The following ERG variants were observed in gnomAD, a reference collection of about 807,000 sequenced individuals.
The protein encoded by ERG is transcriptional regulator ERG.
In ERG, 9 loss-of-function variants were observed where a neutral mutation model predicts 55.3. The ratio of observed to expected loss-of-function variants is 0.16; its 90% CI spans 0.10 to 0.28. ERG has a LOEUF of 0.28. Ranked by LOEUF, ERG falls within the 10% of genes least tolerant of loss-of-function variation. ERG has a pLI of 1.00. For synonymous variants in ERG, 223 were observed against 237.3 expected (o/e 0.94, Z 0.55); for missense variants, 434 against 631.6 (o/e 0.69, Z 3.35).
At chr21:38,415,973 G>C (rs1206160811) in intron 3 of ERG, among the ~76,000 whole-genome samples, 1 of 152,174 alleles carries the variant, frequency 6.6e-6, no homozygotes, top group Non-Finnish European at 1.5e-5. Flanking sequence ...AATAACTCAC[G>C]CTAAGAGGAT....
At chr21:38,535,019 C>T (rs2059699161) in intron 2 of ERG, among the ~76,000 whole-genome samples, 1 of 151,944 alleles carries the variant, frequency 6.6e-6, no homozygotes, top group Non-Finnish European at 1.5e-5. Context: ...CATAGGTAAA[C>T]GTGTGCCATG....
chr21:38,485,771 T>A (rs1188402149), intron 1 of ERG, among the ~76,000 whole-genome samples: 1 of 151,602 alleles, frequency 6.6e-6, no homozygotes, highest in Non-Finnish European at 1.5e-5. Flanking sequence ...ATACAGTGTT[T>A]ATAAGTCTAC....
chr21:38,461,599 T>C lies in ERG; in HGVS notation c.19-15978A>G, dbSNP rs546019262. Among the ~76,000 whole-genome samples the C allele has an allele frequency of 1.9e-4, 29 of 152,298 alleles. 1 individual carries two copies. Among genetic ancestry groups the C allele is most frequent in the African/African-American group, 7.0e-4 (29 of 41,568 alleles). ...CTGTAGGTCAGTCATTCTCAAAGTG[T>C]TGTCCAGGAACCCCCTGGGGTCCCC... On this transcript the variant is annotated intron_variant, in intron 1 of 9. Transcript: ENST00000288319.
intron 2 of ERG, among the ~76,000 whole-genome samples, chr21:38,437,747 C>T (rs140536995): frequency 3.9e-5 from 6 of 152,284 alleles, no homozygotes; most frequent in South Asian, 2.1e-4. Flanking sequence ...CAGCAAAGCA[C>T]GTTAATTCCA....
At chr21:38,507,054 C>T (rs954257206) in intron 2 of ERG, among the ~76,000 whole-genome samples, 3 of 152,042 alleles carry the variant, frequency 2.0e-5, no homozygotes, top group African/African-American at 7.2e-5. Context: ...GTCCCAGCTT[C>T]GCTGGGGTGC....
At chr21:38,523,820 C>G (rs1358025694) in intron 2 of ERG, among the ~76,000 whole-genome samples, 1 of 152,144 alleles carries the variant, frequency 6.6e-6, no homozygotes, top group African/African-American at 2.4e-5. Context: ...CCATCGGTAC[C>G]CTGAATGGGC....
chr21:38,445,343 G>A, intron 2 of ERG, 61 bp downstream of exon 2: 3 of 1,322,752 alleles, frequency 2.3e-6, no homozygotes, highest in Non-Finnish European at 3.2e-6. Flanking sequence ...CTTCCACTTT[G>A]CCTTTGCAAA....
chr21:38,411,373 A>G (rs1368488218), intron 3 of ERG, among the ~76,000 whole-genome samples: 1 of 152,196 alleles, frequency 6.6e-6, no homozygotes, highest in Non-Finnish European at 1.5e-5. Flanking sequence ...GCTGGAGAGC[A>G]GTGGCATGAT....
At chr21:38,403,103 G>C (rs1321681116) in intron 4 of ERG, among the ~76,000 whole-genome samples, 1 of 152,174 alleles carries the variant, frequency 6.6e-6, no homozygotes, top group African/African-American at 2.4e-5. Flanking sequence ...GCTTCATGTA[G>C]CTTTAGGGAG....
At chr21:38,555,023 T>C (rs1351396036) in intron 2 of ERG, among the ~76,000 whole-genome samples, 3 of 152,038 alleles carry the variant, frequency 2.0e-5, no homozygotes, top group Non-Finnish European at 2.9e-5. Flanking sequence ...TGTTAACAAA[T>C]TAAATGACAT....
intron 2 of ERG, among the ~76,000 whole-genome samples, chr21:38,441,556 A>T (rs1316222802): frequency 6.6e-6 from 1 of 152,166 alleles, no homozygotes; most frequent in Non-Finnish European, 1.5e-5. Context: ...TCTCTAGAGA[A>T]TCCCAACTGA....
At chr21:38,546,443 C>A (rs2059788354) in intron 2 of ERG, among the ~76,000 whole-genome samples, 1 of 152,198 alleles carries the variant, frequency 6.6e-6, no homozygotes, top group Admixed American at 6.5e-5. Flanking sequence ...GATACTATCA[C>A]AGGCAACACT....
chr21:38,546,438 T>C (rs2059788288), intron 2 of ERG, among the ~76,000 whole-genome samples: 1 of 152,170 alleles, frequency 6.6e-6, no homozygotes, highest in African/African-American at 2.4e-5. Flanking sequence ...CATGTGATAC[T>C]ATCACAGGCA....
At chr21:38,581,771 C>T (rs1329846274) in intron 1 of ERG, among the ~76,000 whole-genome samples, 1 of 152,062 alleles carries the variant, frequency 6.6e-6, no homozygotes, top group Non-Finnish European at 1.5e-5. Flanking sequence ...CGGCCAGGCG[C>T]GGTGGCTCAC....
At chr21:38,585,289 TTAGCACTTTCTGCTGCTCAGAA>T (rs1390528968), upstream of ERG, among the ~76,000 whole-genome samples, 1 of 152,184 alleles carries the variant, frequency 6.6e-6, no homozygotes, top group Admixed American at 6.5e-5. Flanking sequence ...GATCATTCTG[TTAGCACTTTCTGCTGCTCAGAA>T]CAGGGTAGTG....
At chr21:38,541,000 G>A (rs555792606) in intron 2 of ERG, among the ~76,000 whole-genome samples, 3 of 143,564 alleles carry the variant, frequency 2.1e-5, no homozygotes, top group East Asian at 5.0e-4. Context: ...TGGCTGGGGA[G>A]GCACTGGGGT....
intron 2 of ERG, among the ~76,000 whole-genome samples, chr21:38,510,733 C>G (rs1247690326): frequency 1.3e-5 from 2 of 152,156 alleles, no homozygotes; most frequent in African/African-American, 4.8e-5. Flanking sequence ...AAACTGCCAC[C>G]TTTTAACCAC....
At chr21:38,450,646 C>T (rs145959559) in intron 1 of ERG, among the ~76,000 whole-genome samples, 1 of 152,286 alleles carries the variant, frequency 6.6e-6, no homozygotes, top group Non-Finnish European at 1.5e-5. Context: ...AGCTTATCCA[C>T]CAAATAAACC....
At chr21:38,596,848 G>A (rs2060134249) in intron 1 of ERG, among the ~76,000 whole-genome samples, 1 of 152,200 alleles carries the variant, frequency 6.6e-6, no homozygotes. Context: ...CCACAGTGGT[G>A]TTTAAGGCAT....
Sources: allele counts gnomAD v4.1 joint callset (sites outside exome capture counted in the v4.1 genomes callset), GRCh38; gene constraint gnomAD v4.1.1; transcripts MANE v1.5; gene names NCBI Gene and HGNC (gene_info 2026-07-23, HGNC 2026-07-21).